The following PPP2R2C variants were observed in gnomAD, a reference collection of about 807,000 sequenced individuals.
PPP2R2C encodes protein phosphatase 2, regulatory subunit B, gamma.
PPP2R2C carries 10 observed loss-of-function variants against 45.3 expected under a neutral mutation model. The observed-to-expected ratio is 0.22, with a 90% CI of 0.14 to 0.37. PPP2R2C has a LOEUF of 0.37. Ranked by LOEUF, PPP2R2C falls within the 10% of genes least tolerant of loss-of-function variation. The pLI is 1.00. For synonymous variants in PPP2R2C, 257 were observed against 245.4 expected, an observed-to-expected ratio of 1.05 and a Z score of -0.44; for missense variants, 308 against 619.7, an observed-to-expected ratio of 0.50 and a Z score of 5.34.
At chr4:6,550,242 C>T (rs1373913677) in intron 1 of PPP2R2C, among the ~76,000 whole-genome samples, 3 of 152,172 alleles carry the variant, frequency 2.0e-5, no homozygotes, top group East Asian at 1.9e-4. Flanking sequence ...TTCCCCTCCT[C>T]ACAGCCACCA....
intron 1 of PPP2R2C, among the ~76,000 whole-genome samples, chr4:6,416,142 T>C (rs1718565701): frequency 2.4e-5 from 2 of 81,992 alleles, no homozygotes; most frequent in Admixed American, 1.3e-4. Context: ...AACCTACTCC[T>C]CTACCACCCC....
chr4:6,456,427 C>T (rs926647170), intron 1 of PPP2R2C, among the ~76,000 whole-genome samples: 5 of 151,822 alleles, frequency 3.3e-5, no homozygotes, highest in Admixed American at 1.3e-4. Context: ...CAACTTAGCT[C>T]GCAGAGTCTG....
chr4:6,385,112 G>A (rs972311901), intron 1 of PPP2R2C, among the ~76,000 whole-genome samples: 1 of 152,138 alleles, frequency 6.6e-6, no homozygotes, highest in Middle Eastern at 3.2e-3. Context: ...TGTGCTCCTG[G>A]CTGCCACAGA....
At chr4:6,367,259 A>G (rs1226742186) in intron 5 of PPP2R2C, among the ~76,000 whole-genome samples, 1 of 152,136 alleles carries the variant, frequency 6.6e-6, no homozygotes, top group African/African-American at 2.4e-5. Context: ...ATGGTTACTA[A>G]AAGTCCATTT....
chr4:6,371,979 C>T (rs541487706), intron 5 of PPP2R2C, among the ~76,000 whole-genome samples: 2 of 152,162 alleles, frequency 1.3e-5, no homozygotes, highest in Non-Finnish European at 1.5e-5. Context: ...CGGCGGGAAT[C>T]GTCAATGCTG....
At chr4:6,333,455 A>T in intron 7 of PPP2R2C, 107 bp downstream of exon 7, 5 of 1,296,738 alleles carry the variant, frequency 3.9e-6, no homozygotes, top group Non-Finnish European at 5.3e-6. Context: ...CTTCACCTAC[A>T]TACCGGGCAT....
chr4:6,542,565 T>C (rs957331770), intron 1 of PPP2R2C, among the ~76,000 whole-genome samples: 1 of 151,900 alleles, frequency 6.6e-6, no homozygotes, highest in African/African-American at 2.4e-5. Context: ...CATGGTGGCA[T>C]GGTGGCAGGC....
chr4:6,383,149 A>G, intron 1 of PPP2R2C: 1 of 1,160,374 alleles, frequency 8.6e-7, no homozygotes, highest in Non-Finnish European at 1.1e-6. Flanking sequence ...GGTTGCCATC[A>G]ACGCCTCTGG....
chr4:6,562,592 C>T (rs936420576), intron 1 of PPP2R2C, among the ~76,000 whole-genome samples: 1 of 151,920 alleles, frequency 6.6e-6, no homozygotes, highest in Non-Finnish European at 1.5e-5. Flanking sequence ...CCTCACTGGG[C>T]CCCTGAAGGG....
intron 2 of PPP2R2C, among the ~76,000 whole-genome samples, chr4:6,480,404 T>C (rs1303671206): frequency 6.6e-6 from 1 of 152,252 alleles, no homozygotes; most frequent in Non-Finnish European, 1.5e-5. Context: ...CTGTGTTTGA[T>C]GATGTCACGA....
At position 6,350,445 on chromosome 4, in the gene PPP2R2C, C is replaced by T. The variant is rs376974550; in HGVS notation, c.626-2435G>A. ...GCAGGGCAGAGAGGGGCTACATTCT[C>T]TCTGCACACCCTGAGACACACAAAA... On this transcript the variant is annotated intron_variant, in intron 5 of 8. Transcript: ENST00000382599. The T allele has an allele frequency of 3.6e-5, 35 of 985,446 alleles. No individual in the cohort carries two copies. The East Asian group carries it at 3.6e-3, about 102-fold the overall frequency. 61.0% of individuals were successfully genotyped at this position (985,446 alleles called of 1,614,324 possible).
chr4:6,507,871 C>T (rs1350692523), intron 2 of PPP2R2C, among the ~76,000 whole-genome samples: 1 of 152,248 alleles, frequency 6.6e-6, no homozygotes, highest in Non-Finnish European at 1.5e-5. Flanking sequence ...TTAATTTCCT[C>T]ATCTATGAAA....
At chr4:6,429,777 G>A (rs908783179) in intron 1 of PPP2R2C, among the ~76,000 whole-genome samples, 3 of 152,152 alleles carry the variant, frequency 2.0e-5, no homozygotes, top group African/African-American at 7.2e-5. Context: ...GAGTTTGCTG[G>A]CAGGGGAGAA....
chr4:6,497,883 G>A (rs1327259557), intron 2 of PPP2R2C, among the ~76,000 whole-genome samples: 1 of 152,306 alleles, frequency 6.6e-6, no homozygotes, highest in East Asian at 1.9e-4. Context: ...CATATGAAAG[G>A]CTCTGCAGGG....
At chr4:6,379,311 G>A (rs1266822664) in intron 2 of PPP2R2C, among the ~76,000 whole-genome samples, 2 of 152,298 alleles carry the variant, frequency 1.3e-5, no homozygotes, top group African/African-American at 2.4e-5. Flanking sequence ...CAGGGACCAC[G>A]TTCCCAGGAG....
In PPP2R2C at chr4:6,545,583, C is replaced by T. The variant is rs188295148; in HGVS notation, c.-58-10206G>A. Among the ~76,000 whole-genome samples the T allele has an allele frequency of 2.3e-3, 350 of 152,302 alleles. 1 individual carries two copies. The highest frequency in any genetic ancestry group is 3.7e-3 in the Non-Finnish European group (251 of 68,024). ...GGGACAAGGTCAGGGGGCCTGGTTC[C>T]CATCCCAGCTCAGACATGAATGCAC... On this transcript the variant is annotated intron_variant, in intron 1 of 9. Transcript: ENST00000506140.
intron 1 of PPP2R2C, among the ~76,000 whole-genome samples, chr4:6,393,580 C>T (rs536709689): frequency 2.6e-5 from 4 of 152,226 alleles, no homozygotes; most frequent in Non-Finnish European, 4.4e-5. Context: ...GCCTCCAACC[C>T]GTGTCTGCAC....
At chr4:6,367,887 T>C (rs956896422) in intron 5 of PPP2R2C, among the ~76,000 whole-genome samples, 8 of 152,192 alleles carry the variant, frequency 5.3e-5, no homozygotes, top group Non-Finnish European at 7.4e-5. Flanking sequence ...ACTCAACTCC[T>C]GCCAAATGCC....
intron 5 of PPP2R2C, among the ~76,000 whole-genome samples, chr4:6,371,043 G>A (rs1714783830): frequency 6.6e-6 from 1 of 152,204 alleles, no homozygotes; most frequent in South Asian, 2.1e-4. Flanking sequence ...CCCACCAAGT[G>A]CTGACTTAGG....
Sources: allele counts gnomAD v4.1 joint callset (sites outside exome capture counted in the v4.1 genomes callset), GRCh38; gene constraint gnomAD v4.1.1; transcripts MANE v1.5; gene names NCBI Gene and HGNC (gene_info 2026-07-23, HGNC 2026-07-21).